Variants in CFAP47 observed in about 807,000 individuals in gnomAD.
CFAP47 encodes cilia- and flagella-associated protein 47.
A neutral mutation model predicts 148.1 loss-of-function variants in CFAP47; 29 were observed. The ratio of observed to expected loss-of-function variants is 0.20; its 90% CI spans 0.15 to 0.27. The LOEUF (loss-of-function observed/expected upper bound fraction) is 0.27, where lower values mean the gene tolerates loss of function less well. Ranked by LOEUF, CFAP47 falls within the 10% of genes least tolerant of loss-of-function variation. The pLI, the probability that CFAP47 is intolerant of heterozygous loss-of-function variation, is 1.00. For missense variants in CFAP47, 1,872 were observed against 1,697.5 expected, an observed-to-expected ratio of 1.10 and a Z score of -1.81; for synonymous variants, 664 against 577.3, an observed-to-expected ratio of 1.15 and a Z score of -2.15.
chrX:35,957,283 T>C (rs1936261736), intron 8 of CFAP47, among the ~76,000 whole-genome samples: 1 of 109,612 alleles, frequency 9.1e-6, no homozygotes, highest in Non-Finnish European at 1.9e-5. Flanking sequence ...GTGTTCACTG[T>C]CTGGCAATTT....
At chrX:36,086,156 T>C (rs1440692059) in intron 30 of CFAP47, among the ~76,000 whole-genome samples, 1 of 112,049 alleles carries the variant, frequency 8.9e-6, no homozygotes, top group Non-Finnish European at 1.9e-5. Flanking sequence ...AAAATAATTG[T>C]CGTAATATCT....
intron 27 of CFAP47, among the ~76,000 whole-genome samples, chrX:36,071,126 T>C (rs998193595): frequency 8.9e-6 from 1 of 112,261 alleles, no homozygotes; most frequent in Non-Finnish European, 1.9e-5. Flanking sequence ...TTGAATTCTT[T>C]CCTGGGCAAA....
intron 22 of CFAP47, among the ~76,000 whole-genome samples, chrX:36,030,797 T>G (rs1373233940): frequency 1.8e-5 from 2 of 110,293 alleles, no homozygotes; most frequent in African/African-American, 6.6e-5. Flanking sequence ...TAATCTTCCA[T>G]AGAATAGCCA....
intron 57 of CFAP47, among the ~76,000 whole-genome samples, chrX:36,326,332 A>ACAC (rs1569318192): frequency 3.9e-5 from 4 of 101,873 alleles, no homozygotes; most frequent in African/African-American, 1.6e-4. Context: ...CACACACACA[A>ACAC]ACGTGCTAGG....
chrX:36,141,168 T>A (rs1346236005), intron 35 of CFAP47, among the ~76,000 whole-genome samples: 1 of 107,534 alleles, frequency 9.3e-6, no homozygotes, highest in Non-Finnish European at 1.9e-5. Context: ...GAACACAGAG[T>A]CAGAGCAGTC....
chrX:35,933,517 A>G (rs1601883685), intron 2 of CFAP47, among the ~76,000 whole-genome samples: 1 of 112,111 alleles, frequency 8.9e-6, no homozygotes, highest in East Asian at 2.8e-4. Context: ...GAACAGTGCT[A>G]CAATAAACAC....
At position 36,056,576 on chromosome X, in the gene CFAP47, G is replaced by A. The variant is rs776298189; in HGVS notation, c.4218-9067G>A. Among the ~76,000 whole-genome samples the A allele has an allele frequency of 5.4e-5, 6 of 112,121 alleles. No individual in the cohort carries two copies. The South Asian group carries it at 2.2e-3, about 41-fold the overall frequency. ...GCAAATGATACAGCTTGCTATAATG[G>A]GTGATCACAACTGTTAGATTTTTTT... On this transcript the variant is annotated intron_variant, in intron 26 of 63. Coordinates refer to ENST00000378653, the MANE Select transcript of CFAP47 (RefSeq NM_001304548.2).
intron 57 of CFAP47, among the ~76,000 whole-genome samples, chrX:36,328,715 C>T (rs1341392315): frequency 1.9e-5 from 2 of 104,234 alleles, no homozygotes; most frequent in African/African-American, 3.5e-5. Context: ...GAGGCTGAGG[C>T]AGGAGAATGG....
At position 36,085,422 on chromosome X, in the gene CFAP47, T is replaced by A. The variant is rs1259303007; in HGVS notation, c.4800T>A (p.His1600Gln). The change falls in exon 30 of 64, where the codon CAT (histidine) becomes CAA (glutamine). Residue 1600 changes from histidine (H) to glutamine (Q), a missense_variant. Physicochemically the swap from His to Gln is conservative, Grantham distance 24. Coordinates refer to ENST00000378653, the MANE Select transcript of CFAP47 (RefSeq NM_001304548.2). ...YNKTIYDVLL[H>Q]LSGKMPPGIN... ...AGACCATTTATGATGTGCTGCTCCA[T>A]TTGAGTGGAAAAATGCCACCTGGAA... is the stretch of plus-strand genomic sequence containing the variant. 7 of 1,201,697 alleles carry A rather than the reference T, an allele frequency of 5.8e-6. No individual in the cohort carries two copies. Among genetic ancestry groups the A allele is most frequent in the Non-Finnish European group, 6.8e-6 (6 of 887,166 alleles).
chrX:35,940,292 G>T (rs1398796484), intron 2 of CFAP47, among the ~76,000 whole-genome samples: 11 of 109,987 alleles, frequency 1.0e-4, no homozygotes, highest in Non-Finnish European at 7.6e-5. Flanking sequence ...AGAAGCTCTT[G>T]AGTTTAATTA....
chrX:36,370,383 T>C (rs1312485173), intron 62 of CFAP47, among the ~76,000 whole-genome samples: 1 of 109,151 alleles, frequency 9.2e-6, no homozygotes, highest in Non-Finnish European at 1.9e-5. Context: ...TTGCTAAGAA[T>C]GATGGTTTCT....
At chrX:36,000,190 A>G (rs1936897727) in intron 19 of CFAP47, 93 bp from the exon 20 acceptor site, 1 of 262,136 alleles carries the variant, frequency 3.8e-6, no homozygotes, top group Admixed American at 6.6e-5. Flanking sequence ...TTTGTAGTTA[A>G]TAATTTCCTT....
chrX:36,172,689 G>T (rs768307086), intron 39 of CFAP47, among the ~76,000 whole-genome samples: 2 of 111,405 alleles, frequency 1.8e-5, no homozygotes, highest in Non-Finnish European at 3.8e-5. Context: ...TGTGCTGCTG[G>T]ATTCGGTTTG....
chrX:36,209,278 T>C (rs1940074928), intron 45 of CFAP47, among the ~76,000 whole-genome samples: 1 of 111,569 alleles, frequency 9.0e-6, no homozygotes, highest in South Asian at 3.7e-4. Context: ...TCACATTAGT[T>C]TTTGGCAAAA....
intron 62 of CFAP47, among the ~76,000 whole-genome samples, chrX:36,373,273 G>T (rs59711019): frequency 0.014 from 1,608 of 111,226 alleles, 32 homozygotes; most frequent in African/African-American, 0.049. Flanking sequence ...TCATTTCTAA[G>T]AATTTTATTC....
chrX:36,323,864 AAGGGTTCAC>A (rs1316479558), intron 57 of CFAP47, among the ~76,000 whole-genome samples: 2 of 111,578 alleles, frequency 1.8e-5, no homozygotes, highest in Admixed American at 9.6e-5. Flanking sequence ...CCATTGGAAA[AAGGGTTCAC>A]AGCCCTTTTA....
chrX:36,264,902 G>T (rs1940872317), intron 49 of CFAP47, among the ~76,000 whole-genome samples: 1 of 111,663 alleles, frequency 9.0e-6, no homozygotes, highest in African/African-American at 3.3e-5. Flanking sequence ...CACTTTTTTG[G>T]CTCCATATGA....
intron 22 of CFAP47, among the ~76,000 whole-genome samples, chrX:36,027,128 TTA>T (rs201817841): frequency 1.5e-4 from 13 of 87,902 alleles, no homozygotes; most frequent in South Asian, 5.5e-4. Context: ...ATATATATGA[TTA>T]TATATATATG....
At position 36,251,382 on chromosome X, in the gene CFAP47, A is replaced by C; in HGVS notation, c.7382A>C (p.Tyr2461Ser). Residue 2461 changes from tyrosine (Y) to serine (S), a missense_variant, in exon 49 of 64, where the codon TAC becomes TCC. By Grantham distance (144) the Tyr-to-Ser change is moderately radical. Transcript: ENST00000378653. ...TGGGGAAATCCACAAATTACAGTATACCCTTATAAAGAAATTCTGTACCTG... is the reference window on the plus strand; with the variant it reads ...TGGGGAAATCCACAAATTACAGTATCCCCTTATAAAGAAATTCTGTACCTG... Reference protein sequence around the residue: ...IVWGNPQITVYPYKEILYLIH... With the variant: ...IVWGNPQITVSPYKEILYLIH... 2.0e-6 allele frequency: 1 copy of C among 508,992 alleles called. No homozygotes were observed. Among genetic ancestry groups the C allele is most frequent in the Non-Finnish European group, 3.5e-6 (1 of 283,611 alleles). The allele number at this position is 508,992 out of a possible 1,213,427, so 41.9% of individuals were successfully genotyped here. A position where few individuals can be genotyped will look rare whatever the true frequency, so the allele number is the denominator to read the frequency against.
Sources: gnomAD v4.1 joint callset for allele counts (sites outside exome capture counted in the v4.1 genomes callset) on GRCh38, gnomAD v4.1.1 for gene constraint, MANE v1.5 for transcripts, NCBI Gene and HGNC (gene_info 2026-07-23, HGNC 2026-07-21) for gene names.